Variants in NUP155 observed in about 807,000 individuals in gnomAD.
NUP155 encodes the protein nucleoporin 155, also known as nuclear pore complex protein Nup155.
In NUP155, 71 loss-of-function variants were observed where a neutral mutation model predicts 180.4. That is an observed-to-expected ratio of 0.39 (90% CI 0.33 to 0.48). The LOEUF (loss-of-function observed/expected upper bound fraction) is 0.48, where lower values mean the gene tolerates loss of function less well. Among genes scored for constraint, NUP155 ranks in the 20% least tolerant of loss-of-function variants. The probability of loss-of-function intolerance (pLI) is 0.91; values close to 1 mark genes in which losing one functional copy is unlikely to be tolerated. For missense variants in NUP155, 1,553 were observed against 1,648.9 expected, an observed-to-expected ratio of 0.94 and a Z score of 1.01; for synonymous variants, 582 against 559.5, an observed-to-expected ratio of 1.04 and a Z score of -0.57.
intron 2 of NUP155, 101 bp from the exon 3 acceptor site, chr5:37,364,085 T>C: frequency 8.9e-7 from 1 of 1,125,308 alleles, no homozygotes; most frequent in Middle Eastern, 1.9e-4. Context: ...AATCACAATG[T>C]GTCCACTCTT....
At chr5:37,306,103 T>C (rs1455636560) in intron 25 of NUP155, among the ~76,000 whole-genome samples, 1 of 152,066 alleles carries the variant, frequency 6.6e-6, no homozygotes, top group Non-Finnish European at 1.5e-5. Context: ...TAAAAAAATA[T>C]GTTTTCGCCA....
chr5:37,361,337 C>T (rs1330288706), intron 3 of NUP155, among the ~76,000 whole-genome samples: 1 of 148,874 alleles, frequency 6.7e-6, no homozygotes, highest in African/African-American at 2.5e-5. Context: ...AAGATAACAG[C>T]TGAAAAAAAT....
chr5:37,296,892 T>C (rs899800644), intron 32 of NUP155, among the ~76,000 whole-genome samples: 2 of 152,086 alleles, frequency 1.3e-5, no homozygotes, highest in South Asian at 2.1e-4. Context: ...AATTTATAGT[T>C]ATGGCCAGGC....
intron 32 of NUP155, 126 bp from the exon 33 acceptor site, chr5:37,294,591 C>T (rs576691385): frequency 2.2e-5 from 21 of 937,604 alleles, no homozygotes; most frequent in East Asian, 1.1e-4. Context: ...TTTTTTGGGG[C>T]GGGGGGTTTT....
At chr5:37,337,436 A>C (rs2150972730) in intron 12 of NUP155, among the ~76,000 whole-genome samples, 1 of 152,270 alleles carries the variant, frequency 6.6e-6, no homozygotes, top group Admixed American at 6.5e-5. Flanking sequence ...CTAAGTCACA[A>C]CTGTAATAGA....
chr5:37,303,358 G>A lies in NUP155; in HGVS notation c.3219C>T (p.Asn1073=), dbSNP rs780834914. The change falls in exon 28 of 35, where the codon AAC becomes AAT. Residue 1073 remains asparagine, a synonymous_variant. Coordinates refer to ENST00000231498, the MANE Select transcript of NUP155 (RefSeq NM_153485.3). ...AGAGTAAATCCATATAACGAACTCT[G>A]TTTTGATCAACTTTGGCCATTCGGA... The part of the protein sequence containing the change: ...HLVRMAKVDQ[N]RVRYMDLLWR... 172 of 1,613,966 alleles carry A rather than the reference G, an allele frequency of 1.1e-4. No individual in the cohort carries two copies. The highest frequency in any genetic ancestry group is 1.4e-4 in the Non-Finnish European group (166 of 1,179,974).
intron 22 of NUP155, among the ~76,000 whole-genome samples, chr5:37,313,473 ATGTGTGTGTGTGTG>A (rs34904169): frequency 2.1e-5 from 3 of 143,530 alleles, no homozygotes; most frequent in South Asian, 2.3e-4. Flanking sequence ...AGTGGTGTAT[ATGTGTGTGTGTGTG>A]TGTGTGTGTG....
intron 29 of NUP155, among the ~76,000 whole-genome samples, chr5:37,302,486 G>A (rs993171891): frequency 7.9e-5 from 12 of 152,078 alleles, no homozygotes; most frequent in East Asian, 3.9e-4. Flanking sequence ...TGGCTGCCTC[G>A]GCCTCCCAAA....
intron 21 of NUP155, among the ~76,000 whole-genome samples, chr5:37,314,759 G>A (rs1485874945): frequency 6.6e-6 from 1 of 152,068 alleles, no homozygotes; most frequent in Non-Finnish European, 1.5e-5. Flanking sequence ...AGAATGGCGT[G>A]AACCCAGGAG....
chr5:37,311,469 T>C (rs1341981993), intron 22 of NUP155, among the ~76,000 whole-genome samples: 8 of 152,088 alleles, frequency 5.3e-5, no homozygotes, highest in African/African-American at 1.7e-4. Context: ...ATTAAATATA[T>C]TAGCTTGAAT....
At chr5:37,364,873 T>C (rs1747454811) in intron 1 of NUP155, among the ~76,000 whole-genome samples, 1 of 151,708 alleles carries the variant, frequency 6.6e-6, no homozygotes, top group Admixed American at 6.6e-5. Context: ...CCTGACCTCA[T>C]GATCCGCCCG....
rs1219534891 is a variant in NUP155 at position 37,340,498 on chromosome 5, T to C, written c.1246+592A>G. Among the ~76,000 whole-genome samples the C allele has an allele frequency of 2.6e-5, 4 of 151,814 alleles. No individual in the cohort carries two copies. The South Asian group carries it at 8.3e-4, about 31-fold the overall frequency. On this transcript the variant is annotated intron_variant, in intron 11 of 34. Coordinates refer to ENST00000231498, the MANE Select transcript of NUP155 (RefSeq NM_153485.3). ...TCACACTTATCAATTTCAAAACTTA[T>C]TACAAAGCAACGGTAATCAAGACTG...
Position 37,309,298 on chromosome 5 carries a change from T to A in NUP155, c.2629-31A>T, listed in dbSNP as rs780379764. 8.2e-6 allele frequency: 13 copies of A among 1,589,986 alleles called. No homozygotes were observed. In the South Asian group the frequency reaches 1.3e-4, roughly 16 times the overall value. ...AGAGGAGATAACAAGAACTTAAAAA[T>A]ATATAAAATCAAGCAGACAGATGAT... On this transcript the variant is annotated intron_variant, in intron 23 of 34. Coordinates refer to ENST00000231498, the MANE Select transcript of NUP155 (RefSeq NM_153485.3).
chr5:37,353,257 TA>T (rs1428985765), intron 4 of NUP155, among the ~76,000 whole-genome samples: 9 of 151,886 alleles, frequency 5.9e-5, no homozygotes, highest in African/African-American at 2.2e-4. Context: ...ATGACATATA[TA>T]TATATACACA....
In NUP155 at chr5:37,365,711, GAGAA is replaced by G. The variant is rs1280880907; in HGVS notation, c.158-1331_158-1328del. Among the ~76,000 whole-genome samples the G allele has an allele frequency of 4.3e-3, 146 of 33,970 alleles. 28 individuals are homozygous for G. The highest frequency in any genetic ancestry group is 0.021 in the African/African-American group (130 of 6,278). The allele number at this position is 33,970 out of a possible 152,430, so 22.3% of individuals were successfully genotyped here. A position where few individuals can be genotyped will look rare whatever the true frequency, so the allele number is the denominator to read the frequency against. On this transcript the variant is annotated intron_variant, in intron 1 of 34. Transcript: ENST00000231498. ...TGACAGAGCAAGACTCTGTCTCGGG[GAGAA>G]AAAAAAAAAAAAAAAAAAAAAAAAT... is the stretch of plus-strand genomic sequence containing the variant.
At chr5:37,304,990 G>T in intron 26 of NUP155, 67 bp downstream of exon 26, 1 of 1,567,500 alleles carries the variant, frequency 6.4e-7, no homozygotes. Context: ...AGATGACTGT[G>T]CTACCATTAC....
At chr5:37,300,723 C>T (rs953913421) in intron 30 of NUP155, among the ~76,000 whole-genome samples, 3 of 152,116 alleles carry the variant, frequency 2.0e-5, no homozygotes, top group South Asian at 2.1e-4. Flanking sequence ...GTAGCACCAT[C>T]GAGGCTCACC....
At chr5:37,295,844 C>T (rs1168965421) in intron 32 of NUP155, among the ~76,000 whole-genome samples, 2 of 149,074 alleles carry the variant, frequency 1.3e-5, no homozygotes, top group Non-Finnish European at 3.0e-5. Flanking sequence ...GGAGCCCCTC[C>T]GCCCGGCAGC....
Position 37,299,432 on chromosome 5 carries a change from A to G in NUP155, c.3682+16T>C. The stretch of plus-strand genomic sequence containing the variant: ...CTACATAACGTATGCTAACATACCT[A>G]TAACTGAACACTTACCTTTCTCTAT... On this transcript the variant is annotated intron_variant, in intron 31 of 34. Transcript: ENST00000231498. 2 of 1,613,994 alleles carry G rather than the reference A, an allele frequency of 1.2e-6. No homozygotes were observed. The highest frequency in any genetic ancestry group is 2.2e-5 in the South Asian group (2 of 91,078).
Sources: allele counts gnomAD v4.1 joint callset (sites outside exome capture counted in the v4.1 genomes callset), GRCh38; gene constraint gnomAD v4.1.1; transcripts MANE v1.5; gene names NCBI Gene and HGNC (gene_info 2026-07-23, HGNC 2026-07-21).